The following CYP20A1 variants were observed in gnomAD, a reference collection of about 807,000 sequenced individuals.
The protein encoded by CYP20A1 is cytochrome P450 20A1.
CYP20A1 carries 61 observed loss-of-function variants against 61.4 expected under a neutral mutation model. The observed-to-expected ratio is 0.99, with a 90% CI of 0.81 to 1.23. The LOEUF (loss-of-function observed/expected upper bound fraction) is 1.23. Among genes scored for constraint, CYP20A1 ranks in the 50% most tolerant of loss-of-function variants. CYP20A1 has a pLI of 0.00. For synonymous variants in CYP20A1, 193 were observed against 188.2 expected (o/e 1.03, Z -0.21); for missense variants, 530 against 542.4 (o/e 0.98, Z 0.23).
At chr2:203,291,042 C>T (rs761150733) in intron 10 of CYP20A1, among the ~76,000 whole-genome samples, 7 of 151,960 alleles carry the variant, frequency 4.6e-5, no homozygotes, top group East Asian at 1.9e-4. Flanking sequence ...GTCTGAGACA[C>T]GGAGTTTTTG....
intron 11 of CYP20A1, among the ~76,000 whole-genome samples, chr2:203,293,200 A>C (rs983980929): frequency 2.1e-5 from 3 of 145,286 alleles, no homozygotes; most frequent in Admixed American, 1.5e-4. Flanking sequence ...TTTTTAAAAA[A>C]GCAGAATTTC....
In CYP20A1 at chr2:203,296,921, T is replaced by G; in HGVS notation, c.*13T>G. The G allele has an allele frequency of 7.0e-7, 1 of 1,430,844 alleles. No individual in the cohort carries two copies. The highest frequency in any genetic ancestry group is 9.5e-7 in the Non-Finnish European group (1 of 1,047,856). 88.6% of individuals were successfully genotyped at this position (1,430,844 alleles called of 1,614,324 possible). On this transcript the variant is annotated 3_prime_UTR_variant, in exon 13 of 13. Coordinates refer to ENST00000356079, the MANE Select transcript of CYP20A1 (RefSeq NM_177538.3). ...AAAGAGATATTAAAATTTTATACAT[T>G]TAAAATCATTGTTAAATTGATTGAG... is the stretch of plus-strand genomic sequence containing the variant.
At chr2:203,244,273 C>G (rs1366447964) in intron 1 of CYP20A1, among the ~76,000 whole-genome samples, 1 of 152,106 alleles carries the variant, frequency 6.6e-6, no homozygotes, top group Non-Finnish European at 1.5e-5. Flanking sequence ...GCAATCACAG[C>G]TCACTGCAAC....
At chr2:203,266,753 C>T in intron 5 of CYP20A1, 72 bp downstream of exon 5, 21 of 1,282,694 alleles carry the variant, frequency 1.6e-5, no homozygotes, top group Non-Finnish European at 2.1e-5. Flanking sequence ...AATCCCAGCA[C>T]TTTGGGAGGC....
At chr2:203,243,413 CAG>C (rs982287455) in intron 1 of CYP20A1, among the ~76,000 whole-genome samples, 4 of 151,000 alleles carry the variant, frequency 2.6e-5, no homozygotes, top group Admixed American at 2.0e-4. Flanking sequence ...TTTTTTTAGA[CAG>C]AGTCTCGCTC....
intron 1 of CYP20A1, among the ~76,000 whole-genome samples, chr2:203,242,194 C>G (rs975832939): frequency 6.6e-6 from 1 of 152,092 alleles, no homozygotes; most frequent in African/African-American, 2.4e-5. Flanking sequence ...CTTTGTTGCC[C>G]AGGCTGGTCT....
intron 5 of CYP20A1, 63 bp from the exon 6 acceptor site, chr2:203,272,607 C>G: frequency 8.8e-6 from 6 of 685,216 alleles, no homozygotes; most frequent in Non-Finnish European, 1.2e-5. Context: ...GGTTACATTG[C>G]TCTGTATTAT....
At chr2:203,296,609 A>C (rs1475753924) in intron 12 of CYP20A1, 46 bp downstream of exon 12, 3 of 1,482,316 alleles carry the variant, frequency 2.0e-6, no homozygotes, top group Admixed American at 1.9e-5. Flanking sequence ...TTTGATGATC[A>C]CTGTTGATGA....
intron 4 of CYP20A1, 126 bp from the exon 5 acceptor site, chr2:203,266,388 C>G (rs565056387): frequency 2.5e-5 from 19 of 767,152 alleles, no homozygotes; most frequent in Middle Eastern, 3.6e-4. Context: ...CTGACAGATT[C>G]GTACCTGAAT....
intron 9 of CYP20A1, among the ~76,000 whole-genome samples, chr2:203,287,215 CAA>C (rs1168549640): frequency 1.5e-4 from 7 of 47,050 alleles, no homozygotes; most frequent in African/African-American, 3.6e-4. Flanking sequence ...GACCCTATCT[CAA>C]AAAAAAAAAA....
At chr2:203,277,503 T>TATATATTTATTTATTTAGAGATAAATA (rs1185049896) in intron 6 of CYP20A1, among the ~76,000 whole-genome samples, 4 of 151,942 alleles carry the variant, frequency 2.6e-5, no homozygotes, top group Non-Finnish European at 5.9e-5. Flanking sequence ...GTTTTTATTT[T>TATATATTTATTTATTTAGAGATAAATA]ATATATTTAT....
At chr2:203,253,940 T>C (rs976711519) in intron 4 of CYP20A1, among the ~76,000 whole-genome samples, 1 of 152,014 alleles carries the variant, frequency 6.6e-6, no homozygotes, top group Non-Finnish European at 1.5e-5. Context: ...AAACTTGTTC[T>C]TTTCTTTCTT....
At chr2:203,277,347 C>CA (rs770006366) in intron 6 of CYP20A1, among the ~76,000 whole-genome samples, 32 of 31,684 alleles carry the variant, frequency 1.0e-3, no homozygotes, top group African/African-American at 2.3e-3. Context: ...CACTCTGTCT[C>CA]AAAAAAAAAA....
chr2:203,271,052 GTGTATA>G (rs1402497863), intron 5 of CYP20A1, among the ~76,000 whole-genome samples: 6,100 of 45,246 alleles, frequency 0.13, 873 homozygotes, highest in Middle Eastern at 0.22. Flanking sequence ...ATATGTATAT[GTGTATA>G]TATATATATA....
chr2:203,240,299 A>G (rs1331799481), intron 1 of CYP20A1, among the ~76,000 whole-genome samples: 1 of 152,078 alleles, frequency 6.6e-6, no homozygotes, highest in Non-Finnish European at 1.5e-5. Flanking sequence ...CTGAGAAACT[A>G]AACAATTTTA....
rs1559110323 is a variant in CYP20A1, at chr2:203,294,940, A to ATTTTTTTTTT, written c.1149-1534_1149-1533insTTTTTTTTTT. Among the ~76,000 whole-genome samples the ATTTTTTTTTT allele has an allele frequency of 2.1e-4, 19 of 91,248 alleles. 1 individual carries two copies. Among genetic ancestry groups the ATTTTTTTTTT allele is most frequent in the African/African-American group, 8.1e-4 (18 of 22,356 alleles). 59.9% of individuals were successfully genotyped at this position (91,248 alleles called of 152,430 possible). ...AGCCACTGTGCCCAGCCTTTAAAAAAATTTTTTTTTTTTTTTTTTTTTTTT... is the reference window on the plus strand; with the variant it reads ...AGCCACTGTGCCCAGCCTTTAAAAAATTTTTTTTTTATTTTTTTTTTTTTTTTTTTTTTTT... On this transcript the variant is annotated intron_variant, in intron 11 of 12. Coordinates refer to ENST00000356079, the MANE Select transcript of CYP20A1 (RefSeq NM_177538.3).
intron 3 of CYP20A1, among the ~76,000 whole-genome samples, chr2:203,249,460 A>G (rs1414904992): frequency 6.6e-6 from 1 of 152,220 alleles, no homozygotes; most frequent in Non-Finnish European, 1.5e-5. Context: ...TATTTTTGTT[A>G]AATAAAAAGG....
rs1314143117 is a variant in CYP20A1 at position 203,245,347 on chromosome 2, A to AT, written c.73-483dup. 1.6e-3 allele frequency among the ~76,000 whole-genome samples: 82 copies of AT among 52,876 alleles called. 1 individual carries two copies. Among genetic ancestry groups the AT allele is most frequent in the Middle Eastern group, 0.012 (1 of 82 alleles). The allele number at this position is 52,876 out of a possible 152,430, so 34.7% of individuals were successfully genotyped here. On this transcript the variant is annotated intron_variant, in intron 1 of 12. Coordinates refer to ENST00000356079, the MANE Select transcript of CYP20A1 (RefSeq NM_177538.3). ...GGCTGAAATCATTCTTTAAAAAAAA[A>AT]TTTTTTTTTTTTTTTTCATTTTAAG...
rs2068830999 is a variant in CYP20A1 at position 203,296,974 on chromosome 2, G to A, written c.*66G>A. 3.2e-6 allele frequency: 3 copies of A among 933,564 alleles called. No individual in the cohort carries two copies. The African/African-American group carries it at 5.1e-5, about 16-fold the overall frequency. The allele number at this position is 933,564 out of a possible 1,614,324, so 57.8% of individuals were successfully genotyped here. On this transcript the variant is annotated 3_prime_UTR_variant, in exon 13 of 13. Coordinates refer to ENST00000356079, the MANE Select transcript of CYP20A1 (RefSeq NM_177538.3). ...AAACAACCATTTAAAAAAAATCTATGTTGAATCCTTTTATAAACCAGTATC... is the reference window on the plus strand; with the variant it reads ...AAACAACCATTTAAAAAAAATCTATATTGAATCCTTTTATAAACCAGTATC...
Sources: gnomAD v4.1 joint callset for allele counts (sites outside exome capture counted in the v4.1 genomes callset) on GRCh38, gnomAD v4.1.1 for gene constraint, MANE v1.5 for transcripts, NCBI Gene and HGNC (gene_info 2026-07-23, HGNC 2026-07-21) for gene names.